Variants in OCA2 observed in about 807,000 individuals in gnomAD.
OCA2 encodes P protein.
Under a neutral mutation model 100.2 loss-of-function variants are expected in OCA2, and 77 were observed. The observed-to-expected ratio is 0.77, with a 90% CI of 0.64 to 0.93. The LOEUF is 0.93. Among genes scored for constraint, OCA2 ranks in the 40% least tolerant of loss-of-function variants. The pLI, the probability that OCA2 is intolerant of heterozygous loss-of-function variation, is 0.00. For synonymous variants in OCA2, 432 were observed against 439.2 expected (o/e 0.98, Z 0.21); for missense variants, 1,062 against 1,089.1 (o/e 0.98, Z 0.35).
At chr15:27,824,077 G>A (rs2034606385) in intron 23 of OCA2, among the ~76,000 whole-genome samples, 1 of 152,188 alleles carries the variant, frequency 6.6e-6, no homozygotes, top group South Asian at 2.1e-4. Context: ...AAAGCCCTAT[G>A]CAGCCTTTGG....
At chr15:28,018,897 C>T (rs113695478) in intron 6 of OCA2, among the ~76,000 whole-genome samples, 7,281 of 152,284 alleles carry the variant, frequency 0.048, 251 homozygotes, top group South Asian at 0.14. Context: ...CCGTTTCCTG[C>T]GCTTGCTCAT....
chr15:27,966,972 T>G, intron 14 of OCA2, 150 bp from the exon 15 acceptor site: 1 of 884,672 alleles, frequency 1.1e-6, no homozygotes, highest in Non-Finnish European at 1.8e-6. Flanking sequence ...TACTAAAAAA[T>G]ACAAAAAATT....
rs1012192723 is a variant in OCA2 at position 28,042,659 on chromosome 15, T to A, written c.228-10496A>T. Among the ~76,000 whole-genome samples the A allele has an allele frequency of 2.1e-4, 16 of 75,818 alleles. No homozygotes were observed. The South Asian group carries it at 2.9e-3, about 14-fold the overall frequency. The allele number at this position is 75,818 out of a possible 152,430, so 49.7% of individuals were successfully genotyped here. ...TGTCTCAAAGTAAATAAATAAATAA[T>A]AAATAAATAAATAAATAAATAAAAT... On this transcript the variant is annotated intron_variant, in intron 2 of 23. Transcript: ENST00000354638.
chr15:27,874,631 T>C (rs1173655325), intron 19 of OCA2, among the ~76,000 whole-genome samples: 6 of 152,304 alleles, frequency 3.9e-5, no homozygotes, highest in African/African-American at 1.4e-4. Flanking sequence ...ATACTGAATG[T>C]AAAAGAGGAA....
At chr15:27,962,521 T>C (rs1318095423) in intron 15 of OCA2, among the ~76,000 whole-genome samples, 2 of 152,134 alleles carry the variant, frequency 1.3e-5, no homozygotes, top group African/African-American at 4.8e-5. Flanking sequence ...GAGCTGGGAA[T>C]CTCAGGAGAA....
chr15:28,025,791 C>T (rs973551654), intron 4 of OCA2, among the ~76,000 whole-genome samples: 3 of 152,236 alleles, frequency 2.0e-5, no homozygotes, highest in African/African-American at 7.2e-5. Context: ...ATAGCCCATG[C>T]TTGATGTATG....
intron 19 of OCA2, among the ~76,000 whole-genome samples, chr15:27,895,207 T>C (rs527666479): frequency 1.2e-4 from 19 of 152,338 alleles, no homozygotes; most frequent in African/African-American, 4.3e-4. Context: ...CAAAGGGTGA[T>C]TGTGACATAT....
intron 2 of OCA2, among the ~76,000 whole-genome samples, chr15:28,035,398 T>C (rs542940530): frequency 1.5e-3 from 233 of 152,308 alleles, no homozygotes; most frequent in African/African-American, 5.3e-3. Flanking sequence ...CATTCCTCTC[T>C]GCAAATAGGG....
intron 19 of OCA2, among the ~76,000 whole-genome samples, chr15:27,920,550 T>C (rs1277890984): frequency 1.3e-5 from 2 of 152,110 alleles, no homozygotes; most frequent in Non-Finnish European, 2.9e-5. Context: ...GGGTAAAAAC[T>C]GCCAATAGAA....
chr15:27,725,575 A>G, the OCA2 span, among the ~76,000 whole-genome samples: 1 of 152,200 alleles, frequency 6.6e-6, no homozygotes, highest in Non-Finnish European at 1.5e-5. Context: ...TGACAAACAA[A>G]AACAAACAAA....
In OCA2 at chr15:27,913,913, AAGCAAGCAAGCAAGC is replaced by A. The variant is rs1567099012; in HGVS notation, c.2079+12199_2079+12213del. ...AAAGAAAGCAAGCAAGCAAGCAAGC[AAGCAAGCAAGCAAGC>A]AAGAAAGAAAGAAAAAAATTTCAGG... is the stretch of plus-strand genomic sequence containing the variant. On this transcript the variant is annotated intron_variant, in intron 19 of 23. Coordinates refer to ENST00000354638, the MANE Select transcript of OCA2 (RefSeq NM_000275.3). 2.4e-4 allele frequency among the ~76,000 whole-genome samples: 12 copies of A among 50,812 alleles called. 2 individuals carry two copies. The highest frequency in any genetic ancestry group is 1.1e-3 in the African/African-American group (12 of 10,798). The allele number at this position is 50,812 out of a possible 152,430, so 33.3% of individuals were successfully genotyped here.
chr15:27,843,618 C>T (rs1473406781), intron 23 of OCA2, among the ~76,000 whole-genome samples: 3 of 152,154 alleles, frequency 2.0e-5, no homozygotes, highest in East Asian at 1.9e-4. Flanking sequence ...AGAGTCCCAC[C>T]GGGAGACGCA....
Position 27,955,210 on chromosome 15 carries a change from A to T in OCA2, c.1790T>A (p.Ile597Asn). The change falls in exon 17 of 24, where the codon ATC becomes AAC. Residue 597 changes from isoleucine (I) to asparagine (N), a missense_variant. Ile to Asn is a moderately radical substitution (Grantham distance 149, BLOSUM62 -3). Coordinates refer to ENST00000354638, the MANE Select transcript of OCA2 (RefSeq NM_000275.3). ...ARRLHTFHRQ[I>N]SQEDKNWETN... is the part of the protein sequence containing the mutation. Reference sequence around the variant, plus strand: ...CTCCCAATTTTTGTCCTCCTGTGAGATCTGTCTAAAAGAGAAAAGAAGAGA... The same window carrying T: ...CTCCCAATTTTTGTCCTCCTGTGAGTTCTGTCTAAAAGAGAAAAGAAGAGA... 6.2e-7 allele frequency: 1 copy of T among 1,609,974 alleles called. No individual in the cohort carries two copies. The highest frequency in any genetic ancestry group is 8.5e-7 in the Non-Finnish European group (1 of 1,176,212).
chr15:27,910,763 C>A (rs773469615), intron 19 of OCA2, among the ~76,000 whole-genome samples: 4 of 151,812 alleles, frequency 2.6e-5, no homozygotes, highest in Admixed American at 6.6e-5. Context: ...CGAGACCAGC[C>A]TAACCAATGC....
chr15:27,961,106 G>C (rs1440558739), intron 15 of OCA2, among the ~76,000 whole-genome samples: 1 of 151,784 alleles, frequency 6.6e-6, no homozygotes, highest in Non-Finnish European at 1.5e-5. Context: ...AAATTTACAA[G>C]AAAAAAACAA....
chr15:28,074,007 C>G (rs1053891086), intron 2 of OCA2, among the ~76,000 whole-genome samples: 140 of 129,444 alleles, frequency 1.1e-3, no homozygotes, highest in African/African-American at 5.8e-3. Context: ...CAGACAGACA[C>G]ACACACACAC....
At chr15:27,735,707 T>C in the OCA2 span, among the ~76,000 whole-genome samples, 5,011 of 152,124 alleles carry the variant, frequency 0.033, 294 homozygotes, top group African/African-American at 0.11. Context: ...TAAGATGCTA[T>C]ATTAAAAGTA....
At chr15:27,797,524 C>T (rs1164559913) in intron 23 of OCA2, among the ~76,000 whole-genome samples, 1 of 149,676 alleles carries the variant, frequency 6.7e-6, no homozygotes, top group East Asian at 2.0e-4. Context: ...ACACAGCAGG[C>T]AGAGGCTCCA....
intron 23 of OCA2, among the ~76,000 whole-genome samples, chr15:27,844,252 A>G (rs2151378077): frequency 6.6e-6 from 1 of 152,212 alleles, no homozygotes; most frequent in Non-Finnish European, 1.5e-5. Flanking sequence ...GTGCCCACAC[A>G]AGAGAGGGAC....
Sources: gnomAD v4.1 joint callset for allele counts (sites outside exome capture counted in the v4.1 genomes callset) on GRCh38, gnomAD v4.1.1 for gene constraint, MANE v1.5 for transcripts, NCBI Gene and HGNC (gene_info 2026-07-23, HGNC 2026-07-21) for gene names.